The following ZNF609 variants were observed in gnomAD, a reference collection of about 807,000 sequenced individuals.
ZNF609 encodes zinc finger protein 609.
In ZNF609, 11 loss-of-function variants were observed where a neutral mutation model predicts 109.5. The observed-to-expected ratio is 0.10, with a 90% CI of 0.06 to 0.17. ZNF609 has a LOEUF of 0.17. Among genes scored for constraint, ZNF609 ranks in the 10% least tolerant of loss-of-function variants. ZNF609 has a pLI of 1.00. For missense variants in ZNF609, 1,559 were observed against 1,772.4 expected, an observed-to-expected ratio of 0.88 and a Z score of 2.16; for synonymous variants, 646 against 662.0, an observed-to-expected ratio of 0.98 and a Z score of 0.37.
At chr15:64,495,246 T>C (rs1425920344) in intron 1 of ZNF609, among the ~76,000 whole-genome samples, 5 of 152,232 alleles carry the variant, frequency 3.3e-5, no homozygotes, top group Non-Finnish European at 4.4e-5. Flanking sequence ...AAAGTACTGG[T>C]TTTCCCTCAC....
intron 2 of ZNF609, among the ~76,000 whole-genome samples, chr15:64,526,914 G>GT (rs1179570281): frequency 6.6e-6 from 1 of 152,116 alleles, no homozygotes; most frequent in African/African-American, 2.4e-5. Flanking sequence ...CAATCCCAAA[G>GT]TGCTGGGATT....
chr15:64,545,370 T>C (rs1374465963), intron 2 of ZNF609, among the ~76,000 whole-genome samples: 1 of 152,106 alleles, frequency 6.6e-6, no homozygotes, highest in Non-Finnish European at 1.5e-5. Context: ...AGCTAATGTT[T>C]GTACTTTTTG....
At position 64,577,049 on chromosome 15, in the gene ZNF609, A is replaced by AATATATATATATGT. The variant is rs1567019110; in HGVS notation, c.748-45771_748-45770insTATATGTATATATA. On this transcript the variant is annotated intron_variant, in intron 2 of 9. Coordinates refer to ENST00000326648, the MANE Select transcript of ZNF609 (RefSeq NM_015042.2). Reference sequence around the variant, plus strand: ...ATATATATATGTATATATACACATAAATATATACATATATGTATATATACA... The same window carrying AATATATATATATGT: ...ATATATATATGTATATATACACATAAATATATATATATGTATATATACATATATGTATATATACA... Among the ~76,000 whole-genome samples the AATATATATATATGT allele has an allele frequency of 1.9e-5, 2 of 105,112 alleles. 1 individual carries two copies. Among genetic ancestry groups the AATATATATATATGT allele is most frequent in the Non-Finnish European group, 4.0e-5 (2 of 49,540 alleles). The allele number at this position is 105,112 out of a possible 152,430, so 69.0% of individuals were successfully genotyped here.
At chr15:64,659,573 C>A (rs1045717922) in intron 3 of ZNF609, among the ~76,000 whole-genome samples, 2 of 151,940 alleles carry the variant, frequency 1.3e-5, no homozygotes, top group African/African-American at 2.4e-5. Context: ...AAGAGGAGAC[C>A]GAGAAGCAAA....
intron 2 of ZNF609, among the ~76,000 whole-genome samples, chr15:64,520,838 G>A (rs1271133273): frequency 6.6e-6 from 1 of 152,004 alleles, no homozygotes; most frequent in Non-Finnish European, 1.5e-5. Context: ...CTCTGAGTAC[G>A]GGACAGAATT....
intron 8 of ZNF609, 70 bp from the exon 9 acceptor site, chr15:64,681,239 A>C (rs1200578839): frequency 6.8e-7 from 1 of 1,480,838 alleles, no homozygotes; most frequent in Non-Finnish European, 9.4e-7. Flanking sequence ...CAGCACCCCA[A>C]AACTCAGGGA....
chr15:64,548,762 T>TA (rs1016863584), intron 2 of ZNF609, among the ~76,000 whole-genome samples: 4 of 151,846 alleles, frequency 2.6e-5, no homozygotes, highest in African/African-American at 2.4e-5. Context: ...ATCCTGTCTT[T>TA]AAAAAAAAGA....
intron 2 of ZNF609, among the ~76,000 whole-genome samples, chr15:64,522,633 G>A (rs1461801402): frequency 2.0e-5 from 3 of 152,182 alleles, no homozygotes; most frequent in Admixed American, 2.0e-4. Context: ...TATGTAGGGA[G>A]AGAGTAGTTT....
At chr15:64,669,986 T>G (rs192029163) in intron 3 of ZNF609, among the ~76,000 whole-genome samples, 15 of 152,218 alleles carry the variant, frequency 9.9e-5, no homozygotes, top group Non-Finnish European at 1.8e-4. Context: ...ATTTTTTTAA[T>G]TATCCAGGTG....
At chr15:64,678,540 T>C (rs1896839061) in intron 6 of ZNF609, 58 bp downstream of exon 6, 2 of 1,515,902 alleles carry the variant, frequency 1.3e-6, no homozygotes, top group Admixed American at 2.2e-5. Context: ...GAAGCACAGA[T>C]TTCACATCCA....
intron 2 of ZNF609, among the ~76,000 whole-genome samples, chr15:64,540,110 G>A (rs770193632): frequency 3.3e-5 from 5 of 152,158 alleles, no homozygotes; most frequent in African/African-American, 9.7e-5. Flanking sequence ...ATGTTAGCCC[G>A]TTGTGTATCT....
chr15:64,668,291 A>C (rs752653070), intron 3 of ZNF609, among the ~76,000 whole-genome samples: 36 of 152,340 alleles, frequency 2.4e-4, no homozygotes, highest in Admixed American at 5.2e-4. Flanking sequence ...ATACAACTAA[A>C]AACTCTGGAA....
At chr15:64,669,599 T>C (rs1211265867) in intron 3 of ZNF609, among the ~76,000 whole-genome samples, 1 of 152,194 alleles carries the variant, frequency 6.6e-6, no homozygotes, top group Non-Finnish European at 1.5e-5. Context: ...TTTTTTTGGT[T>C]GAGGTGTGGG....
intron 1 of ZNF609, among the ~76,000 whole-genome samples, chr15:64,484,266 G>A (rs1209519345): frequency 6.6e-6 from 1 of 152,142 alleles, no homozygotes; most frequent in Non-Finnish European, 1.5e-5. Context: ...TCTTGACTGA[G>A]GTGAAAAGTA....
intron 1 of ZNF609, among the ~76,000 whole-genome samples, chr15:64,495,547 C>A (rs1893470162): frequency 6.6e-6 from 1 of 151,904 alleles, no homozygotes; most frequent in Admixed American, 6.6e-5. Context: ...GATGTACTGT[C>A]ACACCTGGTT....
intron 2 of ZNF609, among the ~76,000 whole-genome samples, chr15:64,504,209 T>C (rs905581284): frequency 6.6e-6 from 1 of 152,238 alleles, no homozygotes; most frequent in Non-Finnish European, 1.5e-5. Context: ...AATTTATTTT[T>C]TCATTCAGAA....
intron 3 of ZNF609, among the ~76,000 whole-genome samples, chr15:64,636,800 C>A (rs951777144): frequency 1.3e-5 from 2 of 152,210 alleles, no homozygotes; most frequent in Non-Finnish European, 1.5e-5. Flanking sequence ...AACTGGCCTG[C>A]ATCTTGGCTG....
At chr15:64,477,899 G>C (rs1893195648) in intron 1 of ZNF609, among the ~76,000 whole-genome samples, 1 of 152,110 alleles carries the variant, frequency 6.6e-6, no homozygotes, top group East Asian at 1.9e-4. Flanking sequence ...CAAAGTGCTG[G>C]GATTATAGGC....
At chr15:64,668,257 G>A (rs997919041) in intron 3 of ZNF609, among the ~76,000 whole-genome samples, 1 of 152,170 alleles carries the variant, frequency 6.6e-6, no homozygotes, top group Non-Finnish European at 1.5e-5. Context: ...GGAGTAGACA[G>A]ATTTTTCCCT....
Sources: gnomAD v4.1 joint callset for allele counts (sites outside exome capture counted in the v4.1 genomes callset) on GRCh38, gnomAD v4.1.1 for gene constraint, MANE v1.5 for transcripts, NCBI Gene and HGNC (gene_info 2026-07-23, HGNC 2026-07-21) for gene names.